Variants in CSMD2 observed in about 807,000 individuals in gnomAD.
The protein encoded by CSMD2 is CUB and sushi domain-containing protein 2.
A neutral mutation model predicts 398.5 loss-of-function variants in CSMD2; 130 were observed. That is an observed-to-expected ratio of 0.33 (90% CI 0.28 to 0.38). The LOEUF is 0.38. Ranked by LOEUF, CSMD2 falls within the 10% of genes least tolerant of loss-of-function variation. The pLI, the probability that CSMD2 is intolerant of heterozygous loss-of-function variation, is 1.00. For missense variants in CSMD2, 3,829 were observed against 4,764.9 expected (o/e 0.80, Z 5.78); for synonymous variants, 1,828 against 1,908.5 (o/e 0.96, Z 1.10).
intron 1 of CSMD2, among the ~76,000 whole-genome samples, chr1:34,157,100 G>T (rs994206079): frequency 6.6e-6 from 1 of 152,138 alleles, no homozygotes; most frequent in African/African-American, 2.4e-5. Context: ...TTTCCTGGTG[G>T]TGGCCACATG....
intron 2 of CSMD2, among the ~76,000 whole-genome samples, chr1:34,052,371 GGGATATGGGA>G (rs987339542): frequency 1.6e-4 from 25 of 151,624 alleles, no homozygotes; most frequent in Non-Finnish European, 1.0e-4. Context: ...GATGATTTAA[GGGATATGGGA>G]GGATATGGGA....
upstream of CSMD2, chr1:34,165,758 G>T (rs1289761377): frequency 4.3e-6 from 7 of 1,614,062 alleles, no homozygotes; most frequent in Non-Finnish European, 5.1e-6. Context: ...AGCTGATCTT[G>T]GGTGGTGGCT....
intron 27 of CSMD2, among the ~76,000 whole-genome samples, chr1:33,652,830 C>T (rs1389419728): frequency 1.3e-5 from 2 of 152,224 alleles, no homozygotes; most frequent in African/African-American, 4.8e-5. Context: ...TCTCGGCTCA[C>T]TGCAAGCTCC....
Position 33,527,209 on chromosome 1 carries a change from G to A in CSMD2, c.10221C>T (p.Leu3407=), listed in dbSNP as rs757969708. Residue 3407 remains leucine, a synonymous_variant, in exon 65 of 71, where the codon CTC becomes CTT. Coordinates refer to ENST00000373381, the MANE Select transcript of CSMD2 (RefSeq NM_001281956.2). ...RPINTAREPP[L]TQALIPGDVF... ...GACCATACGTACTCAAGGCTTGGGT[G>A]AGCGGTGGCTCCCGGGCAGTGTTGA... The A allele has an allele frequency of 1.9e-6, 3 of 1,613,898 alleles. No homozygotes were observed. Among genetic ancestry groups the A allele is most frequent in the Admixed American group, 1.7e-5 (1 of 60,004 alleles).
intron 25 of CSMD2, among the ~76,000 whole-genome samples, chr1:33,689,266 C>T (rs534221662): frequency 6.6e-6 from 1 of 152,302 alleles, no homozygotes. Flanking sequence ...CTCCATCTTT[C>T]TGCAGCTCTC....
intron 12 of CSMD2, 56 bp from the exon 13 acceptor site, chr1:33,772,807 G>A: frequency 1.4e-6 from 2 of 1,460,778 alleles, no homozygotes; most frequent in East Asian, 2.3e-5. Flanking sequence ...TACCTCTTTT[G>A]GAGCTGAAGG....
chr1:33,970,519 C>T (rs1245360992), intron 3 of CSMD2, among the ~76,000 whole-genome samples: 2 of 152,210 alleles, frequency 1.3e-5, no homozygotes, highest in Non-Finnish European at 2.9e-5. Flanking sequence ...GATGATACTA[C>T]AGGTGCTCTC....
chr1:33,958,749 C>T (rs1036338417), intron 3 of CSMD2, among the ~76,000 whole-genome samples: 6 of 152,290 alleles, frequency 3.9e-5, no homozygotes, highest in Admixed American at 6.5e-5. Context: ...GCCTTAGCTG[C>T]CCCTGGATGA....
chr1:33,777,854 C>T (rs774136656), intron 12 of CSMD2, among the ~76,000 whole-genome samples: 4 of 152,158 alleles, frequency 2.6e-5, no homozygotes, highest in Non-Finnish European at 5.9e-5. Flanking sequence ...ATTTCTAATA[C>T]CAAATTGGAA....
rs1011087643 is a variant in CSMD2, at chr1:33,992,750, G to A, written c.517+39844C>T. On this transcript the variant is annotated intron_variant, in intron 3 of 70. Coordinates refer to ENST00000373381, the MANE Select transcript of CSMD2 (RefSeq NM_001281956.2). ...AAATTAGCCGGGCGTGGTGGTGGGC[G>A]CCTGTGGTTCTGGCTGCTCAGGAGG... Among the ~76,000 whole-genome samples, 49 of 151,550 alleles carry A rather than the reference G, an allele frequency of 3.2e-4. 1 individual carries two copies. The highest frequency in any genetic ancestry group is 2.6e-3 in the Admixed American group (39 of 15,238).
intron 5 of CSMD2, among the ~76,000 whole-genome samples, chr1:33,869,591 T>C (rs1273170802): frequency 6.6e-6 from 1 of 152,176 alleles, no homozygotes; most frequent in African/African-American, 2.4e-5. Context: ...CAGAGTTTGA[T>C]TTAGTATTTC....
intron 5 of CSMD2, among the ~76,000 whole-genome samples, chr1:33,909,499 G>A (rs577529767): frequency 1.1e-4 from 17 of 152,138 alleles, no homozygotes; most frequent in African/African-American, 2.9e-4. Context: ...CAAATAGACC[G>A]TAAGTTCCAC....
chr1:33,919,448 T>C (rs968269095), intron 4 of CSMD2, among the ~76,000 whole-genome samples: 6 of 152,228 alleles, frequency 3.9e-5, no homozygotes, highest in Non-Finnish European at 8.8e-5. Flanking sequence ...TGAACTATTC[T>C]TACTAATGTT....
chr1:33,586,495 T>G lies in CSMD2; in HGVS notation c.7051+9A>C, dbSNP rs201448919. 37 of 1,588,314 alleles carry G rather than the reference T, an allele frequency of 2.3e-5. No individual in the cohort carries two copies. The East Asian group carries it at 7.6e-4, about 33-fold the overall frequency. On this transcript the variant is annotated intron_variant, in intron 46 of 70. Transcript: ENST00000373381. Reference sequence around the variant, plus strand: ...TAGGCCCCATACAGATGCGGCTCCATGCAATTACCTTCACATATCGGGGGT... The same window carrying G: ...TAGGCCCCATACAGATGCGGCTCCAGGCAATTACCTTCACATATCGGGGGT...
chr1:33,840,459 C>A (rs1028494244), intron 6 of CSMD2, among the ~76,000 whole-genome samples: 28 of 152,120 alleles, frequency 1.8e-4, no homozygotes, highest in Non-Finnish European at 2.9e-5. Context: ...TCCTTCAGAC[C>A]TCTGTTGAAA....
At chr1:33,884,365 C>T (rs889468287) in intron 5 of CSMD2, among the ~76,000 whole-genome samples, 1 of 145,296 alleles carries the variant, frequency 6.9e-6, no homozygotes, top group African/African-American at 2.7e-5. Context: ...CCCAGGGGCA[C>T]CTCAAACTTA....
intron 55 of CSMD2, among the ~76,000 whole-genome samples, chr1:33,553,627 T>C (rs914164400): frequency 3.3e-5 from 5 of 152,188 alleles, no homozygotes; most frequent in African/African-American, 1.2e-4. Flanking sequence ...GAGGAAGGCA[T>C]GTCGGAAGCT....
chr1:33,725,224 C>T lies in CSMD2; in HGVS notation c.2695+125G>A, dbSNP rs554852130. 12 of 768,950 alleles carry T rather than the reference C, an allele frequency of 1.6e-5. No homozygotes were observed. In the South Asian group the frequency reaches 1.9e-4, roughly 12 times the overall value. The allele number at this position is 768,950 out of a possible 1,614,324, so 47.6% of individuals were successfully genotyped here. ...CTTCCCCAGGGCCTTCTGAAGGGCA[C>T]AGCCTAGCCAAGAACACCATGGGGA... On this transcript the variant is annotated intron_variant, in intron 17 of 70. Transcript: ENST00000373381.
intron 10 of CSMD2, among the ~76,000 whole-genome samples, chr1:33,803,569 C>A (rs1226931009): frequency 6.6e-6 from 1 of 152,182 alleles, no homozygotes; most frequent in South Asian, 2.1e-4. Context: ...CCTGGAACCA[C>A]GTTGGTCACT....
Sources: gnomAD v4.1 joint callset for allele counts (sites outside exome capture counted in the v4.1 genomes callset) on GRCh38, gnomAD v4.1.1 for gene constraint, MANE v1.5 for transcripts, NCBI Gene and HGNC (gene_info 2026-07-23, HGNC 2026-07-21) for gene names.